Variants in WAPL observed in about 807,000 individuals in gnomAD.
WAPL encodes wings apart-like protein homolog.
In WAPL, 5 loss-of-function variants were observed where a neutral mutation model predicts 121.0. The observed-to-expected ratio is 0.04, with a 90% CI of 0.02 to 0.09. The LOEUF (loss-of-function observed/expected upper bound fraction) is 0.09, where lower values mean the gene tolerates loss of function less well. Among genes scored for constraint, WAPL ranks in the 10% least tolerant of loss-of-function variants. The pLI is 1.00. For missense variants in WAPL, 999 were observed against 1,410.8 expected (o/e 0.71, Z 4.68); for synonymous variants, 480 against 481.5 (o/e 1.00, Z 0.04).
chr10:86,489,152 A>G (rs1362542034), intron 4 of WAPL, among the ~76,000 whole-genome samples: 1 of 152,242 alleles, frequency 6.6e-6, no homozygotes, highest in Non-Finnish European at 1.5e-5. Context: ...CAAAGATGTA[A>G]AAACCATGAA....
rs769921264 is a variant in WAPL, at chr10:86,453,729, G to A, written c.2760C>T (p.Asn920=). 56 of 1,614,048 alleles carry A rather than the reference G, an allele frequency of 3.5e-5. No individual in the cohort carries two copies. The South Asian group carries it at 5.9e-4, about 17-fold the overall frequency. The part of the protein sequence containing the change: ...SKPLPHQNVT[N]HVGKAVEDCM... ...AGTCCTCCACTGCTTTGCCTACATGGTTAGTTACATTCTGGTGAGGCAGAG... is the reference window on the plus strand; with the variant it reads ...AGTCCTCCACTGCTTTGCCTACATGATTAGTTACATTCTGGTGAGGCAGAG... Residue 920 remains asparagine, a synonymous_variant, in exon 13 of 19, where the codon AAC becomes AAT. Transcript: ENST00000298767.
chr10:86,445,567 C>A (rs1849595226), intron 16 of WAPL, among the ~76,000 whole-genome samples: 2 of 151,840 alleles, frequency 1.3e-5, no homozygotes, highest in Admixed American at 1.3e-4. Context: ...CTCTGTCACC[C>A]AGGGTGGAGG....
At chr10:86,478,863 G>A (rs1841720158) in intron 4 of WAPL, among the ~76,000 whole-genome samples, 1 of 152,118 alleles carries the variant, frequency 6.6e-6, no homozygotes, top group African/African-American at 2.4e-5. Flanking sequence ...GGGAGGCCGA[G>A]GTGGGCAGAC....
intron 4 of WAPL, among the ~76,000 whole-genome samples, chr10:86,494,592 C>G (rs564825592): frequency 1.1e-4 from 17 of 152,182 alleles, no homozygotes; most frequent in Admixed American, 9.8e-4. Context: ...CTGAGTTTGG[C>G]AGTGGTATTA....
chr10:86,487,182 A>G (rs1841945267), intron 4 of WAPL, among the ~76,000 whole-genome samples: 1 of 151,922 alleles, frequency 6.6e-6, no homozygotes, highest in African/African-American at 2.4e-5. Flanking sequence ...CAGCAGCTGA[A>G]TGAAAAGGTA....
chr10:86,446,163 C>T (rs1350857743), intron 16 of WAPL, 79 bp downstream of exon 16: 5 of 1,503,820 alleles, frequency 3.3e-6, no homozygotes, highest in Non-Finnish European at 4.6e-6. Flanking sequence ...AGACAATCTG[C>T]AAATTAAAAT....
chr10:86,469,186 G>A (rs1020025551), intron 8 of WAPL, among the ~76,000 whole-genome samples: 16 of 93,342 alleles, frequency 1.7e-4, no homozygotes, highest in Non-Finnish European at 2.9e-4. Context: ...ACTTGGGAGG[G>A]TGAGTTGTGA....
intron 17 of WAPL, among the ~76,000 whole-genome samples, chr10:86,438,968 GA>G (rs1849394533): frequency 6.6e-6 from 1 of 151,962 alleles, no homozygotes; most frequent in African/African-American, 2.4e-5. Context: ...AGAATAAAAA[GA>G]AAAAATCTTT....
At chr10:86,452,230 T>C in intron 14 of WAPL, 99 bp from the exon 15 acceptor site, 1 of 1,166,862 alleles carries the variant, frequency 8.6e-7, no homozygotes, top group Non-Finnish European at 1.2e-6. Flanking sequence ...AAGCTGAATA[T>C]CAGTGTTCTA....
chr10:86,507,121 A>C (rs776413698), intron 2 of WAPL, among the ~76,000 whole-genome samples: 128 of 151,542 alleles, frequency 8.4e-4, no homozygotes, highest in Admixed American at 2.1e-3. Flanking sequence ...TAATCCCAGC[A>C]CTTTGGGAGG....
intron 2 of WAPL, among the ~76,000 whole-genome samples, chr10:86,509,619 G>A (rs1299807839): frequency 6.6e-6 from 1 of 152,172 alleles, no homozygotes; most frequent in African/African-American, 2.4e-5. Flanking sequence ...ATAATAGCTG[G>A]AAGGAGGCAT....
chr10:86,453,323 G>A lies in WAPL; in HGVS notation c.2846C>T (p.Thr949Ile), dbSNP rs1392991857. ...NLTNDNEWGS[T>I]KTGEQDGLIG... ...GAGACCGTCCTGCTCTCCTGTTTTG[G>A]TGCTGCCCCACTCTGAAATAAGAAA... The change falls in exon 14 of 19, where the codon ACC becomes ATC. Residue 949 changes from threonine to isoleucine, a missense_variant. Transcript: ENST00000298767. The A allele has an allele frequency of 6.2e-7, 1 of 1,614,046 alleles. No homozygotes were observed. Among genetic ancestry groups the A allele is most frequent in the Non-Finnish European group, 8.5e-7 (1 of 1,179,994 alleles).
At chr10:86,437,737 TG>T in intron 18 of WAPL, 129 bp from the exon 19 acceptor site, 1 of 1,102,908 alleles carries the variant, frequency 9.1e-7, no homozygotes, top group Non-Finnish European at 1.3e-6. Context: ...GAGATTAAAT[TG>T]TGGGTTTGAT....
chr10:86,479,805 A>G (rs375456409), intron 4 of WAPL, among the ~76,000 whole-genome samples: 92 of 152,328 alleles, frequency 6.0e-4, no homozygotes, highest in African/African-American at 2.0e-3. Flanking sequence ...GCGGCAATTC[A>G]AAAGGGGGAA....
chr10:86,470,804 G>A (rs539105143), intron 8 of WAPL, among the ~76,000 whole-genome samples, 188 bp downstream of exon 8: 17 of 152,196 alleles, frequency 1.1e-4, no homozygotes, highest in South Asian at 1.0e-3. Context: ...ATGTTTTCAC[G>A]TTTTCATGAT....
chr10:86,452,452 T>C (rs901381218), intron 14 of WAPL, among the ~76,000 whole-genome samples: 21 of 151,366 alleles, frequency 1.4e-4, no homozygotes, highest in African/African-American at 5.1e-4. Context: ...ATAAGCCAGG[T>C]GTGTTGTCAG....
At chr10:86,457,925 T>A (rs1480255068) in intron 12 of WAPL, among the ~76,000 whole-genome samples, 2 of 152,192 alleles carry the variant, frequency 1.3e-5, no homozygotes, top group African/African-American at 4.8e-5. Context: ...TCTGGATCTG[T>A]TTCAAATAAT....
rs1353787011 is a variant in WAPL at position 86,467,252 on chromosome 10, C to T, written c.2370+27G>A. 3 of 1,595,418 alleles carry T rather than the reference C, an allele frequency of 1.9e-6. No individual in the cohort carries two copies. The East Asian group carries it at 6.7e-5, about 36-fold the overall frequency. ...AAGACTTTCTGAAAGTAATTCTCAT[C>T]TTAGAAGGAAGGAAGAAGGAACCCA... On this transcript the variant is annotated intron_variant, in intron 9 of 18. Coordinates refer to ENST00000298767, the MANE Select transcript of WAPL (RefSeq NM_015045.5).
At chr10:86,445,091 T>C (rs1849574413) in intron 16 of WAPL, among the ~76,000 whole-genome samples, 1 of 152,216 alleles carries the variant, frequency 6.6e-6, no homozygotes, top group South Asian at 2.1e-4. Context: ...TCCCTCTGCA[T>C]CCAAGGGGTA....
Sources: gnomAD v4.1 joint callset for allele counts (sites outside exome capture counted in the v4.1 genomes callset) on GRCh38, gnomAD v4.1.1 for gene constraint, MANE v1.5 for transcripts, NCBI Gene and HGNC (gene_info 2026-07-23, HGNC 2026-07-21) for gene names.